PDLIM4: variants seen among roughly 807,000 people sequenced by gnomAD.
PDLIM4 encodes PDZ and LIM domain 4.
PDLIM4 carries 19 observed loss-of-function variants against 31.3 expected under a neutral mutation model. The observed-to-expected ratio is 0.61, with a 90% CI of 0.42 to 0.89. PDLIM4 has a LOEUF of 0.89. Among genes scored for constraint, PDLIM4 ranks in the 40% least tolerant of loss-of-function variants. The pLI is 0.00. For synonymous variants in PDLIM4, 176 were observed against 190.1 expected, an observed-to-expected ratio of 0.93 and a Z score of 0.61; for missense variants, 442 against 461.1, an observed-to-expected ratio of 0.96 and a Z score of 0.38.
At chr5:132,261,846 G>A (rs1046368718) in intron 1 of PDLIM4, among the ~76,000 whole-genome samples, 1 of 152,160 alleles carries the variant, frequency 6.6e-6, no homozygotes, top group Non-Finnish European at 1.5e-5. Flanking sequence ...TGCTCAGGGA[G>A]GTGATGTTCA....
Position 132,271,888 on chromosome 5 carries a change from G to A in PDLIM4, c.768G>A (p.Thr256=), listed in dbSNP as rs1221123016. The change falls in exon 6 of 7, where the codon ACG becomes ACA. Residue 256 remains threonine, a synonymous_variant. Transcript: ENST00000253754. The part of the protein sequence containing the change: ...LSGLQGLPEC[T]RCGHGIVGTI... ...GCCTGCAGGGGCTGCCCGAGTGCAC[G>A]CGCTGCGGCCACGGCATCGTGTGAG... 14 of 1,608,128 alleles carry A rather than the reference G, an allele frequency of 8.7e-6. No homozygotes were observed. Among genetic ancestry groups the A allele is most frequent in the East Asian group, 6.7e-5 (3 of 44,758 alleles).
intron 2 of PDLIM4, among the ~76,000 whole-genome samples, 196 bp from the exon 3 acceptor site, chr5:132,266,268 C>T (rs1756489668): frequency 6.6e-6 from 1 of 152,186 alleles, no homozygotes; most frequent in African/African-American, 2.4e-5. Context: ...AAGCATATAG[C>T]CCTACCCCAG....
At position 132,270,981 on chromosome 5, in the gene PDLIM4, A is replaced by G; in HGVS notation, c.394A>G (p.Ser132Gly). The stretch of plus-strand genomic sequence containing the variant: ...GACTGGGCCAGAAGATGGCAGACCA[A>G]GCCTGGGATCTCCATATGGACAACC... ...TGTGPEDGRP[S>G]LGSPYGQPPR... Residue 132 changes from serine to glycine, a missense_variant, in exon 4 of 7, where the codon AGC becomes GGC. By Grantham distance (56) the Ser-to-Gly change is moderately conservative (BLOSUM62 0). Coordinates refer to ENST00000253754, the MANE Select transcript of PDLIM4 (RefSeq NM_003687.4). 1 of 1,614,126 alleles carries G rather than the reference A, an allele frequency of 6.2e-7. No homozygotes were observed. Among genetic ancestry groups the G allele is most frequent in the Non-Finnish European group, 8.5e-7 (1 of 1,179,970 alleles).
Position 132,266,530 on chromosome 5 carries a change from C to T in PDLIM4, c.312C>T (p.Ile104=), listed in dbSNP as rs145529462. 28 of 1,611,058 alleles carry T rather than the reference C, an allele frequency of 1.7e-5. No individual in the cohort carries two copies. In the East Asian group the frequency reaches 2.0e-4, roughly 12 times the overall value. The change falls in exon 3 of 7, where the codon ATC becomes ATT. Residue 104 remains isoleucine (I), a synonymous_variant. Transcript: ENST00000253754. ...AGGCTCAGGCACACAGGATCCACAT[C>T]GATCCTGAGATCCAGGTATGTACAG... ...DSKAQAHRIH[I]DPEIQDGSPT...
chr5:132,257,888 T>TCCGCCCGG lies in PDLIM4; in HGVS notation c.93+62_93+69dup. 1 of 989,000 alleles carries TCCGCCCGG rather than the reference T, an allele frequency of 1.0e-6. No homozygotes were observed. Among genetic ancestry groups the TCCGCCCGG allele is most frequent in the Non-Finnish European group, 1.4e-6 (1 of 709,186 alleles). The allele number at this position is 989,000 out of a possible 1,614,324, so 61.3% of individuals were successfully genotyped here. A position where few individuals can be genotyped will look rare whatever the true frequency, so the allele number is the denominator to read the frequency against. On this transcript the variant is annotated intron_variant, in intron 1 of 6. Transcript: ENST00000253754. The surrounding 1 kb of genome is among the most constrained non-coding windows in gnomAD (Gnocchi z 4.3). ...CATGTCTGAGACCGGGTTCTCGCGG[T>TCCGCCCGG]CCGCCCGGGACCCAGATCCCCTGTG...
chr5:132,263,386 A>T (rs1756418493), intron 2 of PDLIM4, among the ~76,000 whole-genome samples: 3 of 152,026 alleles, frequency 2.0e-5, no homozygotes, highest in African/African-American at 7.2e-5. Context: ...TTAAATCTGG[A>T]TTTGGGAAAA....
rs773934312 is a variant in PDLIM4, at chr5:132,271,976, G to A, written c.789-49G>A. 5.0e-6 allele frequency: 8 copies of A among 1,600,376 alleles called. No individual in the cohort carries two copies. The Admixed American group carries it at 5.0e-5, about 10-fold the overall frequency. On this transcript the variant is annotated intron_variant, in intron 6 of 6. Transcript: ENST00000253754. ...CAGGGCCCTGGATGCGGGCGCAGTC[G>A]TGAACCCATCAGTCACTCGACGCTG...
intron 6 of PDLIM4, 48 bp from the exon 7 acceptor site, chr5:132,271,977 T>C (rs1756633261): frequency 6.2e-7 from 1 of 1,602,280 alleles, no homozygotes; most frequent in Non-Finnish European, 8.6e-7. Context: ...GGCGCAGTCG[T>C]GAACCCATCA....
In PDLIM4 at chr5:132,262,639, G is replaced by A; in HGVS notation, c.124G>A (p.Ala42Thr). The A allele has an allele frequency of 6.2e-7, 1 of 1,610,380 alleles. No homozygotes were observed. The highest frequency in any genetic ancestry group is 8.5e-7 in the Non-Finnish European group (1 of 1,178,492). Reference sequence around the variant, plus strand: ...TGCTGGCAGCAAGGCTGCATTGGCTGCCCTGTGCCCAGGAGACCTGATCCA... The same window carrying A: ...TGCTGGCAGCAAGGCTGCATTGGCTACCCTGTGCCCAGGAGACCTGATCCA... ...VHAGSKAALAALCPGDLIQAI... is the reference protein window; with the variant it reads ...VHAGSKAALATLCPGDLIQAI... The change falls in exon 2 of 7, where the codon GCC becomes ACC. Residue 42 changes from alanine to threonine, a missense_variant. Transcript: ENST00000253754.
chr5:132,266,420 G>A (rs760600663), intron 2 of PDLIM4, 44 bp from the exon 3 acceptor site: 1 of 1,340,498 alleles, frequency 7.5e-7, no homozygotes, highest in Non-Finnish European at 1.1e-6. Flanking sequence ...AGGCATGGTG[G>A]GCGTGGTAGG....
At chr5:132,268,122 C>T (rs983503240) in intron 3 of PDLIM4, among the ~76,000 whole-genome samples, 143 of 152,290 alleles carry the variant, frequency 9.4e-4, no homozygotes, top group African/African-American at 3.2e-3. Flanking sequence ...CACTTGTTCT[C>T]ATTGACTCCC....
rs747420276 is a variant in PDLIM4, at chr5:132,262,724, A to G, written c.209A>G (p.Lys70Arg). ...CACCTGGAGGCACAGAACCGCATCAAGGGCTGCCACGATCACCTCACACTG... is the reference window on the plus strand; with the variant it reads ...CACCTGGAGGCACAGAACCGCATCAGGGGCTGCCACGATCACCTCACACTG... ...MTHLEAQNRI[K>R]GCHDHLTLSV... Residue 70 changes from lysine (K) to arginine (R), a missense_variant, in exon 2 of 7, where the codon AAG becomes AGG. By Grantham distance (26) the Lys-to-Arg change is conservative. Coordinates refer to ENST00000253754, the MANE Select transcript of PDLIM4 (RefSeq NM_003687.4). 1.8e-5 allele frequency: 29 copies of G among 1,613,770 alleles called. No homozygotes were observed. Among genetic ancestry groups the G allele is most frequent in the Non-Finnish European group, 2.4e-5 (28 of 1,179,900 alleles).
chr5:132,266,587 G>T, intron 3 of PDLIM4, 42 bp downstream of exon 3: 1 of 1,391,782 alleles, frequency 7.2e-7, no homozygotes, highest in Non-Finnish European at 1.0e-6. Context: ...CTCAGAGTGA[G>T]CCCAGGGCAG....
At chr5:132,264,203 G>A (rs1161444035) in intron 2 of PDLIM4, among the ~76,000 whole-genome samples, 1 of 152,132 alleles carries the variant, frequency 6.6e-6, no homozygotes, top group African/African-American at 2.4e-5. Flanking sequence ...TCAGCGGAGG[G>A]TGGTGGGGTG....
chr5:132,267,154 A>G (rs1756509065), intron 3 of PDLIM4, among the ~76,000 whole-genome samples: 1 of 152,190 alleles, frequency 6.6e-6, no homozygotes, highest in African/African-American at 2.4e-5. Context: ...GGAGTAGCCA[A>G]GTGGGGATGA....
rs1022073002 is a variant in PDLIM4 at position 132,272,607 on chromosome 5, G to C, written c.*378G>C. The C allele has an allele frequency of 1.8e-4, 57 of 311,090 alleles. No homozygotes were observed. Among genetic ancestry groups the C allele is most frequent in the African/African-American group, 1.2e-3 (55 of 46,734 alleles). 19.3% of individuals were successfully genotyped at this position (311,090 alleles called of 1,614,324 possible). On this transcript the variant is annotated 3_prime_UTR_variant, in exon 7 of 7. Transcript: ENST00000253754. Reference sequence around the variant, plus strand: ...TGGGGTCAGGGAAAGTCTTAGCTGAGAACTAAGAGATGAGGGAGGCACAAA... The same window carrying C: ...TGGGGTCAGGGAAAGTCTTAGCTGACAACTAAGAGATGAGGGAGGCACAAA...
At chr5:132,269,356 C>G (rs1394723608) in intron 3 of PDLIM4, among the ~76,000 whole-genome samples, 1 of 151,752 alleles carries the variant, frequency 6.6e-6, no homozygotes, top group Non-Finnish European at 1.5e-5. Flanking sequence ...GCCCCACCCC[C>G]ACTGGCCACA....
In PDLIM4 at chr5:132,262,590, C is replaced by T. The variant is rs376324921; in HGVS notation, c.94-19C>T. On this transcript the variant is annotated intron_variant, in intron 1 of 6. Coordinates refer to ENST00000253754, the MANE Select transcript of PDLIM4 (RefSeq NM_003687.4). ...CCATATCATGACTGTGCCCAGCCATCTGGCTTGTCTGCTCGCAGGTCCATG... is the reference window on the plus strand; with the variant it reads ...CCATATCATGACTGTGCCCAGCCATTTGGCTTGTCTGCTCGCAGGTCCATG... 91 of 1,590,586 alleles carry T rather than the reference C, an allele frequency of 5.7e-5. No homozygotes were observed. The African/African-American group carries it at 9.9e-4, about 17-fold the overall frequency.
rs75144844 is a variant in PDLIM4 at position 132,260,359 on chromosome 5, C to T, written c.94-2250C>T. ...CGGATCGGCCTGAATTCCACTCTGT[C>T]CTGTGACTTCCCGCTTAGAGCCCTC... On this transcript the variant is annotated intron_variant, in intron 1 of 6. Transcript: ENST00000253754. Among the ~76,000 whole-genome samples the T allele has an allele frequency of 4.5e-4, 69 of 152,326 alleles. No individual in the cohort carries two copies. The East Asian group carries it at 0.012, about 26-fold the overall frequency.
Sources: allele counts gnomAD v4.1 joint callset (sites outside exome capture counted in the v4.1 genomes callset), GRCh38; gene constraint gnomAD v4.1.1; non-coding constraint Gnocchi (gnomAD v3.1); transcripts MANE v1.5; gene names NCBI Gene and HGNC (gene_info 2026-07-23, HGNC 2026-07-21).